Variants in CEP112 observed in about 807,000 individuals in gnomAD.
CEP112 encodes centrosomal protein of 112 kDa.
Under a neutral mutation model 153.0 loss-of-function variants are expected in CEP112, and 127 were observed. The observed-to-expected ratio is 0.83, with a 90% confidence interval of 0.72 to 0.96. The LOEUF is 0.96. CEP112 is among the 40% of genes least tolerant of loss of function. The pLI, the probability that CEP112 is intolerant of heterozygous loss-of-function variation, is 0.00. For synonymous variants in CEP112, 358 were observed against 374.4 expected (o/e 0.96, Z 0.51); for missense variants, 1,089 against 1,101.2 (o/e 0.99, Z 0.16).
intron 4 of CEP112, among the ~76,000 whole-genome samples, chr17:66,169,882 T>A (rs2072171169): frequency 6.6e-6 from 1 of 152,174 alleles, no homozygotes; most frequent in Non-Finnish European, 1.5e-5. Flanking sequence ...AGGTCAGAAG[T>A]CCAGGCACAG....
chr17:65,786,933 T>C (rs2054310077), intron 21 of CEP112, among the ~76,000 whole-genome samples: 1 of 152,148 alleles, frequency 6.6e-6, no homozygotes, highest in Non-Finnish European at 1.5e-5. Context: ...ATGCCAAATT[T>C]CTATGGCGTG....
intron 20 of CEP112, among the ~76,000 whole-genome samples, chr17:65,888,499 C>CTTTT (rs36045801): frequency 4.0e-5 from 6 of 149,982 alleles, no homozygotes; most frequent in African/African-American, 1.5e-4. Flanking sequence ...TTAAGATGAT[C>CTTTT]TTTTTTTTTT....
At chr17:66,098,274 T>C (rs2068428610) in intron 6 of CEP112, among the ~76,000 whole-genome samples, 1 of 152,208 alleles carries the variant, frequency 6.6e-6, no homozygotes, top group South Asian at 2.1e-4. Flanking sequence ...GGCTGCCTGA[T>C]CCATGAATCA....
chr17:65,815,594 G>T (rs1282599958), intron 21 of CEP112, among the ~76,000 whole-genome samples: 1 of 152,078 alleles, frequency 6.6e-6, no homozygotes, highest in Non-Finnish European at 1.5e-5. Context: ...CAATCTGGGA[G>T]AAATGACATT....
intron 21 of CEP112, among the ~76,000 whole-genome samples, chr17:65,836,441 T>C (rs2057309849): frequency 6.6e-6 from 1 of 152,116 alleles, no homozygotes; most frequent in African/African-American, 2.4e-5. Context: ...AGTGAAGAGA[T>C]AGAAAAGGAT....
chr17:66,188,766 G>C (rs949991045), intron 1 of CEP112, among the ~76,000 whole-genome samples: 3 of 152,078 alleles, frequency 2.0e-5, no homozygotes, highest in Non-Finnish European at 2.9e-5. Context: ...TATTCCATCA[G>C]TTATGCACGT....
intron 20 of CEP112, among the ~76,000 whole-genome samples, chr17:65,863,722 C>T (rs1448561953): frequency 6.8e-6 from 1 of 147,526 alleles, no homozygotes; most frequent in Non-Finnish European, 1.5e-5. Flanking sequence ...TGCATTCCAG[C>T]CTGGGTGACA....
chr17:65,652,249 A>T (rs1343386413), intron 24 of CEP112, among the ~76,000 whole-genome samples: 2 of 152,080 alleles, frequency 1.3e-5, no homozygotes, highest in Admixed American at 1.3e-4. Flanking sequence ...AAGAGCCCAG[A>T]TACTGAAACT....
At chr17:65,767,373 A>T (rs923542776) in intron 21 of CEP112, among the ~76,000 whole-genome samples, 4 of 152,110 alleles carry the variant, frequency 2.6e-5, no homozygotes, top group Non-Finnish European at 5.9e-5. Context: ...AACCTATGGG[A>T]TGCCCAAAAG....
intron 23 of CEP112, among the ~76,000 whole-genome samples, chr17:65,712,182 G>A (rs367731642): frequency 2.0e-5 from 3 of 152,074 alleles, no homozygotes; most frequent in African/African-American, 7.2e-5. Context: ...TCATTTAATG[G>A]ATAGGTACTT....
intron 24 of CEP112, among the ~76,000 whole-genome samples, chr17:65,652,635 T>G (rs1252822576): frequency 1.3e-5 from 2 of 152,200 alleles, no homozygotes; most frequent in Non-Finnish European, 2.9e-5. Context: ...GATTGAGGAC[T>G]CCATTGAAAT....
chr17:66,107,075 C>T (rs988421117), intron 6 of CEP112, among the ~76,000 whole-genome samples: 19 of 152,074 alleles, frequency 1.2e-4, no homozygotes, highest in Non-Finnish European at 2.2e-4. Flanking sequence ...GCTGAAAAAG[C>T]ATTTAATAAA....
At chr17:65,836,995 G>C (rs2057332496) in intron 21 of CEP112, among the ~76,000 whole-genome samples, 1 of 152,194 alleles carries the variant, frequency 6.6e-6, no homozygotes, top group African/African-American at 2.4e-5. Flanking sequence ...GGTGGAGACG[G>C]GGTTTCGCCG....
intron 21 of CEP112, among the ~76,000 whole-genome samples, chr17:65,815,704 T>A (rs1381803700): frequency 6.6e-6 from 1 of 152,102 alleles, no homozygotes; most frequent in Non-Finnish European, 1.5e-5. Flanking sequence ...AGCACACAGA[T>A]CTTGGATATA....
chr17:65,881,400 A>T (rs958940825), intron 20 of CEP112, among the ~76,000 whole-genome samples: 2 of 128,778 alleles, frequency 1.6e-5, no homozygotes, highest in African/African-American at 5.4e-5. Context: ...AGCAGAAAAC[A>T]GGTGTGTGTG....
chr17:65,942,897 A>G (rs1441042177), intron 18 of CEP112, among the ~76,000 whole-genome samples: 4 of 152,224 alleles, frequency 2.6e-5, no homozygotes, highest in African/African-American at 9.6e-5. Flanking sequence ...GACATATACA[A>G]TTCATATTAT....
At chr17:66,150,199 CTTT>C (rs369271405) in intron 4 of CEP112, among the ~76,000 whole-genome samples, 3 of 129,692 alleles carry the variant, frequency 2.3e-5, no homozygotes, top group Admixed American at 1.6e-4. Context: ...CGCGCCCGGC[CTTT>C]TTTTTTTTTT....
At chr17:65,913,692 A>C in intron 19 of CEP112, 1 of 985,426 alleles carries the variant, frequency 1.0e-6, no homozygotes, top group Non-Finnish European at 1.2e-6. Flanking sequence ...GCCAGCATAC[A>C]CTGCTTCTTT....
rs144980827 is a variant in CEP112 at position 65,898,005 on chromosome 17, G to A, written c.2163+4147C>T. On this transcript the variant is annotated intron_variant, in intron 20 of 26. Transcript: ENST00000535342. ...TCTTTGCTGTGGCTTCCAGGCAAGC[G>A]CAGAGCTAAAATTTCCGCTTAACTG... is the stretch of plus-strand genomic sequence containing the variant. Among the ~76,000 whole-genome samples the A allele has an allele frequency of 5.9e-5, 9 of 152,092 alleles. No homozygotes were observed. The East Asian group carries it at 1.2e-3, about 20-fold the overall frequency.
Sources: gnomAD v4.1 joint callset for allele counts (sites outside exome capture counted in the v4.1 genomes callset) on GRCh38, gnomAD v4.1.1 for gene constraint, MANE v1.5 for transcripts, NCBI Gene and HGNC (gene_info 2026-07-23, HGNC 2026-07-21) for gene names.